The following TENM2 variants were observed in gnomAD, a reference collection of about 807,000 sequenced individuals.
The protein encoded by TENM2 is teneurin transmembrane protein 2.
TENM2 carries 52 observed loss-of-function variants against 245.2 expected under a neutral mutation model. The observed-to-expected ratio is 0.21, with a 90% CI of 0.17 to 0.27. The LOEUF is 0.27. Ranked by LOEUF, TENM2 falls within the 10% of genes least tolerant of loss-of-function variation. The pLI is 1.00. For synonymous variants in TENM2, 1,363 were observed against 1,438.9 expected (o/e 0.95, Z 1.19); for missense variants, 3,046 against 3,666.8 (o/e 0.83, Z 4.37).
intron 3 of TENM2, among the ~76,000 whole-genome samples, chr5:167,925,873 T>A (rs1011520226): frequency 6.6e-6 from 1 of 152,214 alleles, no homozygotes; most frequent in African/African-American, 2.4e-5. Flanking sequence ...AAATATCACA[T>A]GTTCTCACTT....
intron 3 of TENM2, among the ~76,000 whole-genome samples, chr5:167,919,227 C>T (rs1282722188): frequency 6.6e-6 from 1 of 152,316 alleles, no homozygotes; most frequent in South Asian, 2.1e-4. Context: ...TTATCTCCCT[C>T]GACACAGAGG....
At chr5:167,694,163 C>A (rs1475166034) in intron 2 of TENM2, among the ~76,000 whole-genome samples, 1 of 152,076 alleles carries the variant, frequency 6.6e-6, no homozygotes, top group Non-Finnish European at 1.5e-5. Flanking sequence ...TGCACTTATC[C>A]AGCTCAATTT....
intron 2 of TENM2, among the ~76,000 whole-genome samples, chr5:167,662,948 G>A (rs1216721171): frequency 1.3e-5 from 2 of 152,100 alleles, no homozygotes. Context: ...AACACAAGAT[G>A]TTTTCATTTT....
At chr5:168,253,456 C>G (rs1444916605) in intron 27 of TENM2, among the ~76,000 whole-genome samples, 5 of 134,178 alleles carry the variant, frequency 3.7e-5, no homozygotes, top group Non-Finnish European at 6.4e-5. Flanking sequence ...GACAGAGTCT[C>G]ACTCTGTCGC....
chr5:166,979,251 T>C, the TENM2 span, among the ~76,000 whole-genome samples: 1 of 130,260 alleles, frequency 7.7e-6, no homozygotes, highest in African/African-American at 2.9e-5. Flanking sequence ...CGCGGCAACA[T>C]CGAGCTCAGC....
the TENM2 span, among the ~76,000 whole-genome samples, chr5:167,045,211 A>G: frequency 6.6e-6 from 1 of 152,210 alleles, no homozygotes; most frequent in East Asian, 1.9e-4. Context: ...ATTATTCTGA[A>G]TCTAAATTCC....
intron 2 of TENM2, among the ~76,000 whole-genome samples, chr5:167,549,109 T>C (rs1772760696): frequency 6.6e-6 from 1 of 152,184 alleles, no homozygotes; most frequent in South Asian, 2.1e-4. Context: ...GTGTTTGTGG[T>C]GGTATATCAG....
At chr5:167,448,386 T>C (rs1561964084) in intron 2 of TENM2, among the ~76,000 whole-genome samples, 1 of 151,844 alleles carries the variant, frequency 6.6e-6, no homozygotes, top group Non-Finnish European at 1.5e-5. Flanking sequence ...AAATAAGCAA[T>C]AAGCGTCTGT....
chr5:167,772,631 T>A (rs1354875241), intron 2 of TENM2, among the ~76,000 whole-genome samples: 1 of 152,158 alleles, frequency 6.6e-6, no homozygotes, highest in Non-Finnish European at 1.5e-5. Context: ...ACCCACTTTT[T>A]TTTTTTTGCA....
intron 8 of TENM2, 44 bp downstream of exon 10, chr5:168,090,813 G>T: frequency 1.3e-6 from 2 of 1,544,952 alleles, no homozygotes; most frequent in Non-Finnish European, 1.8e-6. Flanking sequence ...AAGGGAAGAT[G>T]GAAATGTTCT....
chr5:167,939,895 T>G (rs1306432377), intron 3 of TENM2, among the ~76,000 whole-genome samples: 1 of 152,182 alleles, frequency 6.6e-6, no homozygotes, highest in African/African-American at 2.4e-5. Context: ...AAAGTGAACA[T>G]TTTCAGGTGG....
chr5:167,802,905 A>G (rs1466590363), intron 2 of TENM2, among the ~76,000 whole-genome samples: 1 of 152,180 alleles, frequency 6.6e-6, no homozygotes, highest in East Asian at 1.9e-4. Flanking sequence ...TAAGATGCCA[A>G]ATCTTAACTT....
At chr5:167,115,369 C>T in the TENM2 span, among the ~76,000 whole-genome samples, 20 of 152,330 alleles carry the variant, frequency 1.3e-4, no homozygotes, top group African/African-American at 4.1e-4. Flanking sequence ...CCTCACTGCA[C>T]TTGTGTGCAT....
intron 25 of TENM2, among the ~76,000 whole-genome samples, chr5:168,242,452 G>T (rs1562325743): frequency 6.6e-6 from 1 of 152,186 alleles, no homozygotes; most frequent in East Asian, 1.9e-4. Context: ...TGTATAAGAA[G>T]TTAACTGGTT....
At chr5:167,879,220 G>A (rs1300367710) in intron 3 of TENM2, among the ~76,000 whole-genome samples, 1 of 152,176 alleles carries the variant, frequency 6.6e-6, no homozygotes, top group Non-Finnish European at 1.5e-5. Flanking sequence ...TGACAGTGGT[G>A]CATTCTTTAG....
At chr5:167,673,911 T>A (rs913727721) in intron 2 of TENM2, among the ~76,000 whole-genome samples, 1 of 152,142 alleles carries the variant, frequency 6.6e-6, no homozygotes, top group African/African-American at 2.4e-5. Flanking sequence ...ATAACGGCTC[T>A]TATTTTTCCA....
rs1038309524 is a variant in TENM2, at chr5:168,226,012, T to TGTGA, written c.5109-73_5109-70dup. The TGTGA allele has an allele frequency of 3.0e-5, 42 of 1,387,552 alleles. No individual in the cohort carries two copies. The African/African-American group carries it at 5.6e-4, about 19-fold the overall frequency. 86.0% of individuals were successfully genotyped at this position (1,387,552 alleles called of 1,614,324 possible). On this transcript the variant is annotated intron_variant, in intron 23 of 28. Coordinates refer to ENST00000518659, the Ensembl canonical transcript of TENM2. Reference sequence around the variant, plus strand: ...ACCTTCCCAGCTCTTTCTCTGGCCCTGTGAGTCTTGGGAACACTGTCAGCC... The same window carrying TGTGA: ...ACCTTCCCAGCTCTTTCTCTGGCCCTGTGAGTGAGTCTTGGGAACACTGTCAGCC...
chr5:167,764,144 AT>A (rs902949560), intron 2 of TENM2, among the ~76,000 whole-genome samples: 8 of 152,130 alleles, frequency 5.3e-5, no homozygotes, highest in Non-Finnish European at 1.0e-4. Context: ...AGAAAAAAAA[AT>A]ATATTGTTAG....
chr5:168,026,542 A>G (rs1786645031), intron 5 of TENM2, among the ~76,000 whole-genome samples: 1 of 152,196 alleles, frequency 6.6e-6, no homozygotes, highest in Admixed American at 6.5e-5. Context: ...CCACATAGCT[A>G]TTAATTTATA....
Sources: allele counts gnomAD v4.1 joint callset (sites outside exome capture counted in the v4.1 genomes callset), GRCh38; gene constraint gnomAD v4.1.1; transcripts MANE v1.5; gene names NCBI Gene and HGNC (gene_info 2026-07-23, HGNC 2026-07-21).